SLC7A13: variants seen among roughly 807,000 people sequenced by gnomAD.
SLC7A13 encodes the protein solute carrier family 7 member 13, also known as X-amino acid transporter 2.
Under a neutral mutation model 32.0 loss-of-function variants are expected in SLC7A13, and 31 were observed. The ratio of observed to expected loss-of-function variants is 0.97; its 90% CI spans 0.73 to 1.31. SLC7A13 has a LOEUF of 1.31. SLC7A13 is among the 50% of genes most tolerant of loss of function. SLC7A13 has a pLI of 0.00. For synonymous variants in SLC7A13, 232 were observed against 206.9 expected (o/e 1.12, Z -1.04); for missense variants, 633 against 546.9 (o/e 1.16, Z -1.57).
At chr8:86,218,494 C>T (rs534325000) in intron 2 of SLC7A13, among the ~76,000 whole-genome samples, 8 of 152,152 alleles carry the variant, frequency 5.3e-5, no homozygotes, top group East Asian at 1.9e-4. Context: ...CTGTTACAAC[C>T]GGGGAGGTAG....
intron 1 of SLC7A13, 69 bp from the exon 2 acceptor site, chr8:86,223,172 A>C: frequency 1.4e-6 from 2 of 1,400,754 alleles, no homozygotes; most frequent in Non-Finnish European, 9.5e-7. Flanking sequence ...TTTTTAGATT[A>C]TTATTTTTGT....
At position 86,229,912 on chromosome 8, in the gene SLC7A13, A is replaced by C; in HGVS notation, c.366T>G (p.Pro122=). 1.2e-6 allele frequency: 2 copies of C among 1,614,172 alleles called. No homozygotes were observed. The highest frequency in any genetic ancestry group is 1.7e-6 in the Non-Finnish European group (2 of 1,180,028). The change falls in exon 1 of 4, where the codon CCT becomes CCG. Residue 122 remains proline (P), a synonymous_variant. Transcript: ENST00000297524. The stretch of plus-strand genomic sequence containing the variant: ...TTGGGACAGAGCAGCTGGGAAAAAA[A>C]GGCTGGATGCTGTACTCAGCAAGGA... ...ALLLAEYSIQ[P]FFPSCSVPKL...
At chr8:86,220,006 TCTCA>T (rs1309170802) in intron 2 of SLC7A13, among the ~76,000 whole-genome samples, 1 of 151,904 alleles carries the variant, frequency 6.6e-6, no homozygotes, top group Non-Finnish European at 1.5e-5. Context: ...ATTCTAAAAT[TCTCA>T]CTTTCTCTTC....
intron 1 of SLC7A13, among the ~76,000 whole-genome samples, chr8:86,228,709 C>T (rs368264461): frequency 8.4e-4 from 127 of 152,054 alleles, no homozygotes; most frequent in Admixed American, 2.4e-3. Context: ...AGCCAGGCAT[C>T]GTGGTGCACA....
intron 2 of SLC7A13, among the ~76,000 whole-genome samples, chr8:86,222,452 A>G (rs1820313061): frequency 6.6e-6 from 1 of 152,144 alleles, no homozygotes; most frequent in South Asian, 2.1e-4. Context: ...GATTTCCAAT[A>G]TGTTCAGGAC....
chr8:86,226,803 A>T (rs1820395037), intron 1 of SLC7A13, among the ~76,000 whole-genome samples: 1 of 152,188 alleles, frequency 6.6e-6, no homozygotes, highest in Admixed American at 6.5e-5. Flanking sequence ...TCTACACTGC[A>T]TGCTTCTATT....
At chr8:86,226,654 T>A (rs931424960) in intron 1 of SLC7A13, among the ~76,000 whole-genome samples, 1 of 152,226 alleles carries the variant, frequency 6.6e-6, no homozygotes, top group Non-Finnish European at 1.5e-5. Flanking sequence ...TTCGTCTCTA[T>A]GTACTTGCCT....
chr8:86,229,484 A>G (rs1030621716), intron 1 of SLC7A13, 109 bp downstream of exon 1: 3 of 1,052,072 alleles, frequency 2.9e-6, no homozygotes, highest in African/African-American at 3.2e-5. Flanking sequence ...GTCACAAAGA[A>G]GAAAGAAACA....
intron 3 of SLC7A13, chr8:86,215,483 C>G (rs544488712): frequency 3.7e-5 from 9 of 241,122 alleles, no homozygotes; most frequent in Non-Finnish European, 7.6e-5. Context: ...ATCAGGAGAT[C>G]GAGATCAGCC....
At chr8:86,225,180 C>A (rs1820368550) in intron 1 of SLC7A13, among the ~76,000 whole-genome samples, 1 of 152,156 alleles carries the variant, frequency 6.6e-6, no homozygotes, top group Non-Finnish European at 1.5e-5. Flanking sequence ...TAATAAATAT[C>A]TATCATTTGA....
intron 2 of SLC7A13, among the ~76,000 whole-genome samples, chr8:86,220,962 C>G (rs557409436): frequency 6.8e-6 from 1 of 146,718 alleles, no homozygotes; most frequent in African/African-American, 2.5e-5. Context: ...CACTGCACTC[C>G]AGCCTAGGCA....
At chr8:86,215,274 G>A (rs1010965860) in intron 3 of SLC7A13, among the ~76,000 whole-genome samples, 9 of 152,190 alleles carry the variant, frequency 5.9e-5, no homozygotes, top group South Asian at 4.2e-4. Flanking sequence ...GGAGAAAATC[G>A]ATATAAGATA....
At chr8:86,228,616 CG>C (rs925471609) in intron 1 of SLC7A13, among the ~76,000 whole-genome samples, 26 of 151,974 alleles carry the variant, frequency 1.7e-4, no homozygotes, top group African/African-American at 6.0e-4. Context: ...GAGGCAGAGG[CG>C]GGTGGCTCAC....
rs773254765 is a variant in SLC7A13, at chr8:86,222,982, A to G, written c.807T>C (p.Ile269=). The G allele has an allele frequency of 1.2e-6, 2 of 1,602,364 alleles. No individual in the cohort carries two copies. The highest frequency in any genetic ancestry group is 2.3e-5 in the South Asian group (2 of 88,536). Residue 269 remains isoleucine (I), a synonymous_variant, in exon 2 of 4, where the codon ATT becomes ATC. Transcript: ENST00000297524. The part of the protein sequence containing the change: ...SYLTVLTPRE[I]LSSDAVAITW... ...CATTTGCATACAAACCTGAAGAGAG[A>G]ATTTCCCTGGGTGTCAGAACAGTCA...
Position 86,214,206 on chromosome 8 carries a change from G to A in SLC7A13, c.*207C>T, listed in dbSNP as rs1241220548. ...CCAGGACTTAAGTTTTTTACCATGCGAAGCAGAGCTTTTAGCAATTTCTTA... is the reference window on the plus strand; with the variant it reads ...CCAGGACTTAAGTTTTTTACCATGCAAAGCAGAGCTTTTAGCAATTTCTTA... On this transcript the variant is annotated 3_prime_UTR_variant, in exon 4 of 4. Transcript: ENST00000297524. The A allele has an allele frequency of 3.5e-5, 15 of 425,802 alleles. No homozygotes were observed. The highest frequency in any genetic ancestry group is 5.4e-5 in the Non-Finnish European group (13 of 240,384). 26.4% of individuals were successfully genotyped at this position (425,802 alleles called of 1,614,324 possible).
intron 1 of SLC7A13, among the ~76,000 whole-genome samples, chr8:86,223,765 GCCA>G (rs201829154): frequency 0.031 from 4,688 of 148,968 alleles, 262 homozygotes; most frequent in African/African-American, 0.11. Flanking sequence ...TATTCATTCA[GCCA>G]CCACCACTAC....
In SLC7A13 at chr8:86,230,065, A is replaced by G; in HGVS notation, c.213T>C (p.Ser71=). The G allele has an allele frequency of 6.2e-7, 1 of 1,614,200 alleles. No individual in the cohort carries two copies. Among genetic ancestry groups the G allele is most frequent in the Non-Finnish European group, 8.5e-7 (1 of 1,180,040 alleles). ...GAGCTCCACTGCATGGGAAGCTTAT[A>G]CTTATCTCTGCAGAGCAAAGAGTTG... The part of the protein sequence containing the change: ...MTSTLCSAEI[S]ISFPCSGAQY... Residue 71 remains serine, a synonymous_variant, in exon 1 of 4, where the codon AGT becomes AGC. Transcript: ENST00000297524.
rs961757935 is a variant in SLC7A13 at position 86,223,237 on chromosome 8, T to A, written c.686-134A>T. 10 of 849,640 alleles carry A rather than the reference T, an allele frequency of 1.2e-5. No individual in the cohort carries two copies. The South Asian group carries it at 1.7e-4, about 15-fold the overall frequency. 52.6% of individuals were successfully genotyped at this position (849,640 alleles called of 1,614,324 possible). ...GATTTTATTATGTGGATAGGTTGTG[T>A]GGTGGTCAAATCAGAGTTTTAGTGT... On this transcript the variant is annotated intron_variant, in intron 1 of 3. Transcript: ENST00000297524.
chr8:86,227,118 G>T (rs149194707), intron 1 of SLC7A13, among the ~76,000 whole-genome samples: 3 of 152,102 alleles, frequency 2.0e-5, no homozygotes, highest in African/African-American at 7.2e-5. Context: ...TAGACTGTAA[G>T]CCTTTTTGAT....
Sources: gnomAD v4.1 joint callset for allele counts (sites outside exome capture counted in the v4.1 genomes callset) on GRCh38, gnomAD v4.1.1 for gene constraint, MANE v1.5 for transcripts, NCBI Gene and HGNC (gene_info 2026-07-23, HGNC 2026-07-21) for gene names.